Variants in PLAUR observed in about 807,000 individuals in gnomAD.
The protein encoded by PLAUR is plasminogen activator, urokinase receptor.
PLAUR carries 22 observed loss-of-function variants against 33.4 expected under a neutral mutation model. That is an observed-to-expected ratio of 0.66 (90% confidence interval 0.47 to 0.94). PLAUR has a LOEUF of 0.94. PLAUR is among the 40% of genes least tolerant of loss of function. The pLI is 0.00. For synonymous variants in PLAUR, 148 were observed against 167.3 expected (o/e 0.88, Z 0.89); for missense variants, 408 against 434.7 (o/e 0.94, Z 0.55).
chr19:43,660,949 T>A (rs1485373164), intron 3 of PLAUR: 1 of 152,110 alleles, frequency 6.6e-6, no homozygotes, highest in Admixed American at 6.6e-5. Flanking sequence ...GGGGTGGTCT[T>A]AGGGGGAAAG....
At chr19:43,654,617 G>A (rs912154352) in intron 5 of PLAUR, among the ~76,000 whole-genome samples, 2 of 151,592 alleles carry the variant, frequency 1.3e-5, no homozygotes, top group African/African-American at 4.8e-5. Context: ...ACCTGTAGTC[G>A]CAGCTACTCC....
At chr19:43,654,915 A>G (rs1389395513) in intron 5 of PLAUR, among the ~76,000 whole-genome samples, 1 of 152,106 alleles carries the variant, frequency 6.6e-6, no homozygotes, top group East Asian at 1.9e-4. Flanking sequence ...GAGAGACAAA[A>G]GAGACAGGAA....
Position 43,652,008 on chromosome 19 carries a change from G to A in PLAUR, c.754+217C>T, listed in dbSNP as rs4251947. 1,622 of 1,312,956 alleles carry A rather than the reference G, an allele frequency of 1.2e-3. 16 individuals are homozygous for A. The African/African-American group carries it at 0.021, about 17-fold the overall frequency. 81.3% of individuals were successfully genotyped at this position (1,312,956 alleles called of 1,614,324 possible). A position where few individuals can be genotyped will look rare whatever the true frequency, so the allele number is the denominator to read the frequency against. Reference sequence around the variant, plus strand: ...GCTGAGAGTACAAGCTTCAGCCACCGCACCCAGCCGGAATTCCACTTTTCC... The same window carrying A: ...GCTGAGAGTACAAGCTTCAGCCACCACACCCAGCCGGAATTCCACTTTTCC... On this transcript the variant is annotated intron_variant, in intron 6 of 6. Coordinates refer to ENST00000340093, the MANE Select transcript of PLAUR (RefSeq NM_002659.4).
Position 43,656,025 on chromosome 19 carries a change from C to T in PLAUR, c.473-452G>A, listed in dbSNP as rs533648285. Among the ~76,000 whole-genome samples, 274 of 152,142 alleles carry T rather than the reference C, an allele frequency of 1.8e-3. 2 individuals are homozygous for T. The highest frequency in any genetic ancestry group is 5.8e-3 in the African/African-American group (240 of 41,486). On this transcript the variant is annotated intron_variant, in intron 4 of 6. Transcript: ENST00000340093. ...ATCCCAGCACTTTGGGAGGTTGAGG[C>T]GGGTGGATCACAAGGTCAGGAGTTT...
At chr19:43,661,699 G>C (rs924085015) in intron 3 of PLAUR, among the ~76,000 whole-genome samples, 13 of 151,276 alleles carry the variant, frequency 8.6e-5, no homozygotes, top group Admixed American at 2.0e-4. Context: ...GCCCAGCCAA[G>C]TTTCTCCTTT....
At chr19:43,654,081 G>A (rs556896276) in intron 5 of PLAUR, among the ~76,000 whole-genome samples, 2 of 151,522 alleles carry the variant, frequency 1.3e-5, no homozygotes, top group Non-Finnish European at 2.9e-5. Flanking sequence ...CCAAGATCGC[G>A]CCACTGCACT....
chr19:43,663,695 C>T (rs187909078), intron 3 of PLAUR, among the ~76,000 whole-genome samples: 272 of 151,820 alleles, frequency 1.8e-3, no homozygotes, highest in Non-Finnish European at 2.5e-3. Context: ...GCAGAAGAAT[C>T]GCTCGAGCCT....
rs1480687788 is a variant in PLAUR at position 43,665,354 on chromosome 19, A to G, written c.272T>C (p.Val91Ala). Residue 91 changes from valine to alanine, a missense_variant, in exon 3 of 7, where the codon GTT becomes GCT. Transcript: ENST00000340093. ...TGLKITSLTEVVCGLDLCNQG... is the reference protein window; with the variant it reads ...TGLKITSLTEAVCGLDLCNQG... ...GTTGCACAAGTCTAACCCACACACA[A>G]CCTCGGTAAGGCTGGTGATCTTCAA... 2 of 1,612,722 alleles carry G rather than the reference A, an allele frequency of 1.2e-6. No individual in the cohort carries two copies. The highest frequency in any genetic ancestry group is 1.1e-5 in the South Asian group (1 of 91,002).
chr19:43,653,902 G>T (rs926867764), intron 5 of PLAUR, among the ~76,000 whole-genome samples: 2 of 152,102 alleles, frequency 1.3e-5, no homozygotes, highest in Non-Finnish European at 2.9e-5. Flanking sequence ...GAGTCAGGCG[G>T]ATCATGAGGT....
rs58333136 is a variant in PLAUR, at chr19:43,662,720, GTT to G, written c.310+2594_310+2595del. ...CCTCTGCTGGAAAACCCTTTCCACT[GTT>G]TTTTTTTTTTTTTGCAGGATCTCGC... On this transcript the variant is annotated intron_variant, in intron 3 of 6. Coordinates refer to ENST00000340093, the MANE Select transcript of PLAUR (RefSeq NM_002659.4). 2.5e-3 allele frequency among the ~76,000 whole-genome samples: 357 copies of G among 141,770 alleles called. 2 individuals are homozygous for G. Among genetic ancestry groups the G allele is most frequent in the African/African-American group, 6.4e-3 (244 of 38,368 alleles). The allele number at this position is 141,770 out of a possible 152,430, so 93.0% of individuals were successfully genotyped here.
intron 2 of PLAUR, chr19:43,667,174 TGC>T (rs1266898239): frequency 5.0e-6 from 1 of 198,848 alleles, no homozygotes; most frequent in Non-Finnish European, 1.1e-5. Context: ...TGTGAGCCAG[TGC>T]CCAGCCTGTT....
At chr19:43,652,882 A>T (rs1277149941) in intron 5 of PLAUR, among the ~76,000 whole-genome samples, 1 of 151,844 alleles carries the variant, frequency 6.6e-6, no homozygotes, top group Non-Finnish European at 1.5e-5. Context: ...AACTCCTGGG[A>T]TCAAGCAATC....
chr19:43,664,338 C>T (rs528453609), intron 3 of PLAUR, among the ~76,000 whole-genome samples: 1 of 152,338 alleles, frequency 6.6e-6, no homozygotes, highest in South Asian at 2.1e-4. Context: ...TTTCCTTCCT[C>T]ACCAGGTCCA....
At chr19:43,647,074 C>A (rs570786250), downstream of PLAUR, among the ~76,000 whole-genome samples, 2 of 152,264 alleles carry the variant, frequency 1.3e-5, no homozygotes, top group Non-Finnish European at 2.9e-5. Flanking sequence ...ACCACCACAG[C>A]CAGCCGAAGA....
At position 43,658,805 on chromosome 19, in the gene PLAUR, G is replaced by A. The variant is rs1002025619; in HGVS notation, c.311-2165C>T. 3.9e-5 allele frequency among the ~76,000 whole-genome samples: 6 copies of A among 152,078 alleles called. No homozygotes were observed. The East Asian group carries it at 5.8e-4, about 15-fold the overall frequency. On this transcript the variant is annotated intron_variant, in intron 3 of 6. Transcript: ENST00000340093. ...AATCATTTACATCCAAAGCCCAATC[G>A]TCCCCCTCAAAGAAAAATAACTACA...
At chr19:43,662,384 G>C (rs554354197) in intron 3 of PLAUR, among the ~76,000 whole-genome samples, 42 of 152,224 alleles carry the variant, frequency 2.8e-4, no homozygotes, top group African/African-American at 9.9e-4. Context: ...TGTAATCTCA[G>C]TTTCTTGGGA....
At chr19:43,654,108 C>T (rs539748303) in intron 5 of PLAUR, among the ~76,000 whole-genome samples, 46 of 148,048 alleles carry the variant, frequency 3.1e-4, no homozygotes, top group African/African-American at 1.0e-3. Context: ...TGGGCAACAG[C>T]GCAAGACTCC....
chr19:43,657,525 T>C (rs1374824990), intron 3 of PLAUR, among the ~76,000 whole-genome samples: 1 of 152,206 alleles, frequency 6.6e-6, no homozygotes, highest in Non-Finnish European at 1.5e-5. Flanking sequence ...ACCTTTCCTT[T>C]GCTCTCTGCC....
chr19:43,646,811 T>TTTG (rs1555778283), downstream of PLAUR, among the ~76,000 whole-genome samples: 6 of 128,218 alleles, frequency 4.7e-5, no homozygotes, highest in African/African-American at 6.0e-5. Context: ...TTTTTTTTTT[T>TTTG]GGGGATAGTC....
Sources: gnomAD v4.1 joint callset for allele counts (sites outside exome capture counted in the v4.1 genomes callset) on GRCh38, gnomAD v4.1.1 for gene constraint, MANE v1.5 for transcripts, NCBI Gene and HGNC (gene_info 2026-07-23, HGNC 2026-07-21) for gene names.